KLHL13: variants seen among roughly 807,000 people sequenced by gnomAD.
KLHL13 encodes the protein kelch like family member 13.
Under a neutral mutation model 37.1 loss-of-function variants are expected in KLHL13, and 10 were observed. The observed-to-expected ratio is 0.27, with a 90% confidence interval of 0.17 to 0.46. The LOEUF is 0.46. KLHL13 is among the 20% of genes least tolerant of loss of function. The pLI is 1.00. For missense variants in KLHL13, 360 were observed against 509.3 expected (o/e 0.71, Z 2.82); for synonymous variants, 163 against 181.2 (o/e 0.90, Z 0.81).
At chrX:117,899,284 C>G in exon 7 of KLHL13, 1 of 1,211,395 alleles carries the variant, frequency 8.3e-7, no homozygotes, top group Non-Finnish European at 1.1e-6. Context: ...TCCCACTGTA[C>G]ACATGCAATG....
chrX:117,999,771 C>A (rs2053899141), intron 1 of KLHL13, among the ~76,000 whole-genome samples: 1 of 110,835 alleles, frequency 9.0e-6, no homozygotes, highest in Non-Finnish European at 1.9e-5. Flanking sequence ...ACAGAGCAGG[C>A]AACACATGGT....
intron 1 of KLHL13, chrX:117,983,641 AAATT>A (rs1421068669): frequency 2.0e-6 from 1 of 495,156 alleles, no homozygotes. Context: ...TTTTAGCTGT[AAATT>A]AATAAACCAT....
chrX:117,918,701 G>T (rs762855360), intron 4 of KLHL13, among the ~76,000 whole-genome samples: 31 of 111,525 alleles, frequency 2.8e-4, no homozygotes, highest in Non-Finnish European at 4.1e-4. Flanking sequence ...ATTGGTAGTT[G>T]TATGTGTCCT....
At position 117,959,922 on chromosome X, in the gene KLHL13, C is replaced by T. The variant is rs146218255; in HGVS notation, c.98+12809G>A. 1.3e-4 allele frequency among the ~76,000 whole-genome samples: 15 copies of T among 111,612 alleles called. No homozygotes were observed. The East Asian group carries it at 4.2e-3, about 32-fold the overall frequency. ...AAATGTGGGAAGCAAGAAGGGAGTG[C>T]AGTTAGGTACAGAGGGATCGCATAA... On this transcript the variant is annotated intron_variant, in intron 1 of 6. Coordinates refer to ENST00000262820, the Ensembl canonical transcript of KLHL13.
At chrX:118,010,003 T>C (rs1392626049) in intron 1 of KLHL13, among the ~76,000 whole-genome samples, 1 of 110,604 alleles carries the variant, frequency 9.0e-6, no homozygotes, top group Non-Finnish European at 1.9e-5. Context: ...TCATCATCAC[T>C]GGCCATCAGA....
intron 1 of KLHL13, among the ~76,000 whole-genome samples, chrX:117,998,778 G>A (rs1403046914): frequency 1.8e-5 from 2 of 110,977 alleles, no homozygotes; most frequent in Non-Finnish European, 1.9e-5. Flanking sequence ...TGACCACTGG[G>A]TAAAGAAGCT....
exon 1 of KLHL13, chrX:117,972,823 T>C (rs2053546713): frequency 8.3e-7 from 1 of 1,210,701 alleles, no homozygotes; most frequent in Non-Finnish European, 1.1e-6. Flanking sequence ...TCCATTTCAA[T>C]GGCATGTTGT....
At chrX:117,910,047 T>C (rs372745087) in exon 5 of KLHL13, 29 of 1,192,790 alleles carry the variant, frequency 2.4e-5, no homozygotes, top group South Asian at 3.8e-5. Flanking sequence ...TTCGGTTAGA[T>C]TGTAGGTGTT....
intron 1 of KLHL13, among the ~76,000 whole-genome samples, chrX:118,069,138 C>CACACACAT (rs1555998519): frequency 3.7e-5 from 4 of 109,558 alleles, no homozygotes; most frequent in African/African-American, 1.3e-4. Context: ...CACACACACA[C>CACACACAT]ACACACACAC....
intron 1 of KLHL13, chrX:117,983,448 A>G (rs762080513): frequency 1.1e-5 from 10 of 933,615 alleles, no homozygotes; most frequent in African/African-American, 1.1e-4. Flanking sequence ...AAAAAAAAAA[A>G]GGTGAGGAAA....
At chrX:117,975,118 AG>A (rs2053581212), upstream of KLHL13, among the ~76,000 whole-genome samples, 1 of 110,759 alleles carries the variant, frequency 9.0e-6, no homozygotes, top group Non-Finnish European at 1.9e-5. Flanking sequence ...TATAGCAAAA[AG>A]GCCTCAGGTA....
rs750783177 is a variant in KLHL13 at position 117,920,848 on chromosome X, T to A, written c.241-478A>T. ...GAGAGCAACTGTATTAAGTACACGA[T>A]AGTTCTTTCTACTAATTGTATTACT... On this transcript the variant is annotated intron_variant, in intron 2 of 6. Transcript: ENST00000262820. Among the ~76,000 whole-genome samples the A allele has an allele frequency of 5.4e-5, 6 of 111,735 alleles. No homozygotes were observed. The East Asian group carries it at 1.1e-3, about 21-fold the overall frequency.
At chrX:118,007,370 CAAAAAAA>C (rs57382655) in intron 1 of KLHL13, among the ~76,000 whole-genome samples, 2,435 of 46,519 alleles carry the variant, frequency 0.052, 90 homozygotes, top group African/African-American at 0.13. Flanking sequence ...GAGACCCTGT[CAAAAAAA>C]AAAAAAAAAA....
chrX:117,998,946 A>T (rs1343639551), intron 1 of KLHL13, among the ~76,000 whole-genome samples: 1 of 110,689 alleles, frequency 9.0e-6, no homozygotes, highest in Non-Finnish European at 1.9e-5. Flanking sequence ...ACATATAAAT[A>T]CTATACAAGT....
intron 4 of KLHL13, among the ~76,000 whole-genome samples, chrX:117,912,467 C>G (rs971126935): frequency 1.8e-5 from 2 of 111,945 alleles, no homozygotes; most frequent in Non-Finnish European, 3.8e-5. Flanking sequence ...AATTCCTTCA[C>G]CTTTTCCCTC....
At chrX:117,898,147 T>C (rs1338981772) in exon 7 of KLHL13, 1 of 112,040 alleles carries the variant, frequency 8.9e-6, no homozygotes, top group African/African-American at 3.3e-5. Context: ...GGAAGAATTC[T>C]TTTTAATTTC....
chrX:117,975,592 T>C (rs1239573266), upstream of KLHL13, among the ~76,000 whole-genome samples: 1 of 112,048 alleles, frequency 8.9e-6, no homozygotes, highest in Admixed American at 9.5e-5. Flanking sequence ...GGTTTCACCA[T>C]ACTGGTCAGG....
intron 1 of KLHL13, among the ~76,000 whole-genome samples, chrX:118,091,598 C>A (rs2055135925): frequency 9.1e-6 from 1 of 110,050 alleles, no homozygotes; most frequent in African/African-American, 3.3e-5. Context: ...ACCTTAAAAA[C>A]AAAGATAAAA....
At chrX:118,111,874 AGAGT>A (rs775651283) in intron 1 of KLHL13, among the ~76,000 whole-genome samples, 11 of 112,226 alleles carry the variant, frequency 9.8e-5, no homozygotes, top group Admixed American at 2.8e-4. Flanking sequence ...CCTGAACGAT[AGAGT>A]GAGAGAGCGA....
Sources: allele counts gnomAD v4.1 joint callset (sites outside exome capture counted in the v4.1 genomes callset), GRCh38; gene constraint gnomAD v4.1.1; transcripts MANE v1.5; gene names NCBI Gene and HGNC (gene_info 2026-07-23, HGNC 2026-07-21).